Variants in SEMA6D observed in about 807,000 individuals in gnomAD.
SEMA6D encodes the protein semaphorin-6D.
In SEMA6D, 35 loss-of-function variants were observed where a neutral mutation model predicts 106.6. That is an observed-to-expected ratio of 0.33 (90% CI 0.25 to 0.44). The LOEUF (loss-of-function observed/expected upper bound fraction) is 0.44. Ranked by LOEUF, SEMA6D falls within the 20% of genes least tolerant of loss-of-function variation. The pLI is 1.00. For missense variants in SEMA6D, 1,185 were observed against 1,345.9 expected (o/e 0.88, Z 1.87); for synonymous variants, 499 against 487.7 (o/e 1.02, Z -0.31).
intron 1 of SEMA6D, among the ~76,000 whole-genome samples, chr15:47,227,896 A>T (rs555448616): frequency 2.2e-4 from 31 of 143,538 alleles, no homozygotes; most frequent in Non-Finnish European, 4.2e-4. Context: ...TATATTTTAT[A>T]TATATAAGAA....
chr15:47,699,154 T>C (rs577843666), intron 4 of SEMA6D, among the ~76,000 whole-genome samples: 7 of 152,214 alleles, frequency 4.6e-5, no homozygotes, highest in Non-Finnish European at 8.8e-5. Flanking sequence ...GCCAGCTTTT[T>C]AAAGGCCTTT....
chr15:47,579,118 A>C (rs1380232301), intron 3 of SEMA6D, among the ~76,000 whole-genome samples: 5 of 149,250 alleles, frequency 3.4e-5, no homozygotes, highest in Non-Finnish European at 3.0e-5. Context: ...TGTAGGCGTG[A>C]GTTGAGTGTC....
chr15:47,382,501 C>T (rs376408174), intron 1 of SEMA6D, among the ~76,000 whole-genome samples: 35 of 151,744 alleles, frequency 2.3e-4, no homozygotes, highest in African/African-American at 7.3e-4. Context: ...AGCGAGACTC[C>T]GTCTCAAAAA....
chr15:47,237,997 C>T (rs899726378), intron 1 of SEMA6D, among the ~76,000 whole-genome samples: 4 of 152,084 alleles, frequency 2.6e-5, no homozygotes, highest in Non-Finnish European at 5.9e-5. Flanking sequence ...TGGGATGGTA[C>T]AGTGTATGGA....
At chr15:47,542,838 G>A (rs2045398335) in intron 3 of SEMA6D, among the ~76,000 whole-genome samples, 1 of 152,084 alleles carries the variant, frequency 6.6e-6, no homozygotes, top group African/African-American at 2.4e-5. Context: ...TAGCTATGAG[G>A]CTTAGGACAG....
At chr15:47,478,124 A>G (rs2043050242) in intron 3 of SEMA6D, among the ~76,000 whole-genome samples, 1 of 152,026 alleles carries the variant, frequency 6.6e-6, no homozygotes, top group Non-Finnish European at 1.5e-5. Flanking sequence ...CAGCATATAT[A>G]TGTAACCACT....
chr15:47,403,679 T>A (rs949703869), intron 1 of SEMA6D, among the ~76,000 whole-genome samples: 1 of 152,152 alleles, frequency 6.6e-6, no homozygotes, highest in Non-Finnish European at 1.5e-5. Flanking sequence ...ATTCTTTAAC[T>A]GCATGGGGAT....
chr15:47,727,562 G>GGCAC (rs753828393), intron 1 of SEMA6D, among the ~76,000 whole-genome samples: 7 of 152,160 alleles, frequency 4.6e-5, no homozygotes, highest in Non-Finnish European at 7.3e-5. Context: ...TCTTGCCTAC[G>GGCAC]GCACGAAGAG....
chr15:47,266,360 C>A (rs547456893), intron 1 of SEMA6D, among the ~76,000 whole-genome samples: 1 of 152,194 alleles, frequency 6.6e-6, no homozygotes, highest in East Asian at 1.9e-4. Context: ...CGGGCAAAAT[C>A]TCTAGATTTT....
At chr15:47,569,350 C>G (rs1279585838) in intron 3 of SEMA6D, among the ~76,000 whole-genome samples, 4 of 152,136 alleles carry the variant, frequency 2.6e-5, no homozygotes, top group Non-Finnish European at 4.4e-5. Flanking sequence ...ATGCAAGTTT[C>G]TAGGGGTCTT....
chr15:47,339,687 C>T (rs1237470032), intron 1 of SEMA6D, among the ~76,000 whole-genome samples: 2 of 151,962 alleles, frequency 1.3e-5, no homozygotes, highest in East Asian at 1.9e-4. Context: ...GATGAAACCC[C>T]GTCTTCATTA....
intron 3 of SEMA6D, among the ~76,000 whole-genome samples, chr15:47,517,563 A>T (rs986560741): frequency 6.6e-6 from 1 of 152,080 alleles, no homozygotes; most frequent in African/African-American, 2.4e-5. Context: ...AAAAACAAAG[A>T]TGTCATTTTT....
intron 1 of SEMA6D, among the ~76,000 whole-genome samples, chr15:47,346,954 G>A (rs1348852130): frequency 6.6e-6 from 1 of 151,654 alleles, no homozygotes; most frequent in Non-Finnish European, 1.5e-5. Flanking sequence ...TGTCACCCAG[G>A]CTGGAGTGCA....
chr15:47,503,778 A>G (rs921362946), intron 3 of SEMA6D, among the ~76,000 whole-genome samples: 1 of 152,072 alleles, frequency 6.6e-6, no homozygotes, highest in African/African-American at 2.4e-5. Context: ...CTGCTTTTGG[A>G]TAAGTCTTCT....
intron 3 of SEMA6D, among the ~76,000 whole-genome samples, chr15:47,528,708 T>G (rs1010965403): frequency 6.6e-6 from 1 of 152,204 alleles, no homozygotes; most frequent in African/African-American, 2.4e-5. Context: ...CATATTGCAT[T>G]AGCCAGAACT....
At chr15:47,304,762 A>G (rs1434964809) in intron 1 of SEMA6D, among the ~76,000 whole-genome samples, 1 of 152,180 alleles carries the variant, frequency 6.6e-6, no homozygotes, top group Non-Finnish European at 1.5e-5. Context: ...GAAATTATGA[A>G]CAAGATTCTT....
intron 1 of SEMA6D, among the ~76,000 whole-genome samples, chr15:47,309,279 G>A (rs555198990): frequency 2.0e-4 from 30 of 152,192 alleles, no homozygotes; most frequent in African/African-American, 6.5e-4. Flanking sequence ...TCTGAGTAGC[G>A]TGATGAAATC....
At position 47,761,177 on chromosome 15, in the gene SEMA6D, G is replaced by C; in HGVS notation, c.302G>C (p.Arg101Thr). The change falls in exon 5 of 19, where the codon AGA (arginine) becomes ACA (threonine). Residue 101 changes from arginine to threonine, a missense_variant. Around this residue, in one of 3 missense-constraint regions of SEMA6D, gnomAD observed 144 missense variants for 138.6 expected, o/e 1.04. Coordinates refer to ENST00000536845, the MANE Select transcript of SEMA6D (RefSeq NM_001358351.3). ...IPNKKLTWRS[R>T]QQDRENCAMK... Reference sequence around the variant, plus strand: ...ATACAGAAACTGACATGGCGATCAAGACAACAGGATCGAGAAAACTGTGCT... The same window carrying C: ...ATACAGAAACTGACATGGCGATCAACACAACAGGATCGAGAAAACTGTGCT... The C allele has an allele frequency of 1.9e-6, 3 of 1,613,818 alleles. No homozygotes were observed. The highest frequency in any genetic ancestry group is 1.7e-6 in the Non-Finnish European group (2 of 1,179,832).
At chr15:47,204,051 T>C (rs1399580688) in intron 1 of SEMA6D, among the ~76,000 whole-genome samples, 2 of 152,198 alleles carry the variant, frequency 1.3e-5, no homozygotes, top group Non-Finnish European at 2.9e-5. Context: ...ACTGGACTGC[T>C]GGAACTCAGA....
Sources: allele counts gnomAD v4.1 joint callset (sites outside exome capture counted in the v4.1 genomes callset), GRCh38; gene constraint gnomAD v4.1.1; regional missense constraint gnomAD v4.1.1; transcripts MANE v1.5; gene names NCBI Gene and HGNC (gene_info 2026-07-23, HGNC 2026-07-21).